GRAMD1B: variants seen among roughly 807,000 people sequenced by gnomAD.
GRAMD1B encodes the protein GRAM domain containing 1B.
Under a neutral mutation model 99.7 loss-of-function variants are expected in GRAMD1B, and 37 were observed. The ratio of observed to expected loss-of-function variants is 0.37; its 90% CI spans 0.29 to 0.49. The LOEUF is 0.49. GRAMD1B is among the 20% of genes least tolerant of loss of function. GRAMD1B has a pLI of 0.98. For missense variants in GRAMD1B, 888 were observed against 1,009.2 expected (o/e 0.88, Z 1.63); for synonymous variants, 427 against 387.6 (o/e 1.10, Z -1.19).
chr11:123,403,172 C>T (rs912785043), intron 1 of GRAMD1B, among the ~76,000 whole-genome samples: 3 of 152,032 alleles, frequency 2.0e-5, no homozygotes, highest in Middle Eastern at 3.2e-3. Flanking sequence ...CGCCTGTAAT[C>T]CCAGCACTTT....
At chr11:123,559,621 GA>G (rs559950904) in intron 2 of GRAMD1B, 380 of 857,726 alleles carry the variant, frequency 4.4e-4, no homozygotes, top group East Asian at 4.9e-4. Context: ...AATGGACAGA[GA>G]AAAAAAAAAC....
chr11:123,562,067 T>G (rs570300997), intron 2 of GRAMD1B, among the ~76,000 whole-genome samples: 8 of 152,310 alleles, frequency 5.3e-5, no homozygotes, highest in Admixed American at 3.9e-4. Flanking sequence ...GAAAAACTCC[T>G]GGCTGGGTGT....
Position 123,510,803 on chromosome 11 carries a change from G to A in GRAMD1B, c.452+29910G>A, listed in dbSNP as rs995863651. On this transcript the variant is annotated intron_variant, in intron 2 of 19. Transcript: ENST00000635736. This position sits in a 1 kb window ranked among gnomAD's most constrained non-coding sequence, Gnocchi z 4.3. Reference sequence around the variant, plus strand: ...CCTCCTCTCCCTCAGCCCGCCACTCGTGAGCATCCAGGGGCTGTGTCAGAG... The same window carrying A: ...CCTCCTCTCCCTCAGCCCGCCACTCATGAGCATCCAGGGGCTGTGTCAGAG... Among the ~76,000 whole-genome samples the A allele has an allele frequency of 1.3e-5, 2 of 152,166 alleles. No homozygotes were observed. Among genetic ancestry groups the A allele is most frequent in the Admixed American group, 1.3e-4 (2 of 15,282 alleles).
intron 2 of GRAMD1B, among the ~76,000 whole-genome samples, chr11:123,543,684 A>G (rs1351561551): frequency 6.6e-6 from 1 of 152,220 alleles, no homozygotes; most frequent in East Asian, 1.9e-4. Context: ...TGCATTCCTA[A>G]GGTAGAAGGT....
At chr11:123,365,140 A>G (rs1362329228) in intron 1 of GRAMD1B, among the ~76,000 whole-genome samples, 1 of 152,244 alleles carries the variant, frequency 6.6e-6, no homozygotes, top group Non-Finnish European at 1.5e-5. Flanking sequence ...GCCTAGAGAC[A>G]GGATGCCCCA....
intron 5 of GRAMD1B, 39 bp downstream of exon 5, chr11:123,594,205 T>G (rs1347137027): frequency 7.8e-6 from 11 of 1,402,466 alleles, no homozygotes; most frequent in Non-Finnish European, 1.1e-5. Flanking sequence ...GAAGGAAGTC[T>G]GGGGAGCCCC....
In GRAMD1B at chr11:123,431,158, T is replaced by A. The variant is rs755223631; in HGVS notation, c.366T>A (p.Ser122Arg). ...GGGTGAGGGAGCGGAAGGAGTGCAG[T>A]GAAAGCAGGTACGTCCCCGTTCCGC... is the stretch of plus-strand genomic sequence containing the variant. ...WLRVRERKEC[S>R]ESSSQQSSQQ... Residue 122 changes from serine (S) to arginine (R), a missense_variant, in exon 1 of 20, where the codon AGT becomes AGA. Ser to Arg is a moderately radical substitution (Grantham distance 110). Coordinates refer to ENST00000635736, the MANE Select transcript of GRAMD1B (RefSeq NM_001387025.1). 89 of 701,486 alleles carry A rather than the reference T, an allele frequency of 1.3e-4. 1 individual carries two copies. In the African/African-American group the frequency reaches 1.4e-3, roughly 11 times the overall value. 43.5% of individuals were successfully genotyped at this position (701,486 alleles called of 1,614,324 possible). A position where few individuals can be genotyped will look rare whatever the true frequency, so the allele number is the denominator to read the frequency against.
intron 2 of GRAMD1B, among the ~76,000 whole-genome samples, chr11:123,551,791 A>G (rs1314223983): frequency 6.6e-6 from 1 of 152,270 alleles, no homozygotes; most frequent in East Asian, 1.9e-4. Flanking sequence ...ATGGTTGCCT[A>G]TAAAGAGGAC....
At chr11:123,598,765 G>T (rs1408340190) in intron 7 of GRAMD1B, 3 of 923,986 alleles carry the variant, frequency 3.2e-6, no homozygotes, top group Non-Finnish European at 5.5e-6. Flanking sequence ...GTCTCTTTCG[G>T]CCATCCAGGA....
intron 2 of GRAMD1B, among the ~76,000 whole-genome samples, chr11:123,541,582 T>C (rs761962077): frequency 7.2e-5 from 11 of 152,108 alleles, no homozygotes; most frequent in Non-Finnish European, 1.3e-4. Context: ...GTTGACTTGT[T>C]TGTCTTTTTT....
chr11:123,532,016 C>T (rs770374881), intron 2 of GRAMD1B, among the ~76,000 whole-genome samples: 1 of 152,118 alleles, frequency 6.6e-6, no homozygotes, highest in Non-Finnish European at 1.5e-5. Context: ...GGATTACAGG[C>T]GTGAGCCACC....
chr11:123,607,562 G>C (rs1015950234), intron 11 of GRAMD1B, among the ~76,000 whole-genome samples: 1 of 152,244 alleles, frequency 6.6e-6, no homozygotes. Flanking sequence ...CTAGAGTCCA[G>C]GGTTGGCACA....
At chr11:123,616,541 A>G (rs1954416956) in intron 17 of GRAMD1B, among the ~76,000 whole-genome samples, 1 of 152,246 alleles carries the variant, frequency 6.6e-6, no homozygotes, top group African/African-American at 2.4e-5. Flanking sequence ...CAAATTGTAT[A>G]GCATGTTATT....
rs1266643157 is a variant in GRAMD1B, at chr11:123,610,370, A to G, written c.1919+32A>G. 1 of 1,609,948 alleles carries G rather than the reference A, an allele frequency of 6.2e-7. No individual in the cohort carries two copies. Among genetic ancestry groups the G allele is most frequent in the Admixed American group, 1.7e-5 (1 of 59,994 alleles). ...TGTGTGGAAGTCCCAGTGCGGTCAG[A>G]CGGGGGTCCTTACCTTAGAGAACAT... On this transcript the variant is annotated intron_variant, in intron 14 of 19. Transcript: ENST00000635736. The surrounding 1 kb of genome is among the most constrained non-coding windows in gnomAD (Gnocchi z 4.1).
intron 1 of GRAMD1B, chr11:123,435,367 T>C: frequency 1.4e-6 from 1 of 695,308 alleles, no homozygotes; most frequent in Non-Finnish European, 2.6e-6. Flanking sequence ...TTTTAATTTT[T>C]GTTTTTTCAT....
chr11:123,550,387 T>A (rs1414454324), intron 2 of GRAMD1B, among the ~76,000 whole-genome samples: 1 of 152,012 alleles, frequency 6.6e-6, no homozygotes, highest in Non-Finnish European at 1.5e-5. Context: ...ACATGCATAC[T>A]CACACTCAGA....
intron 1 of GRAMD1B, among the ~76,000 whole-genome samples, chr11:123,414,593 A>G (rs1323852716): frequency 6.6e-6 from 1 of 152,048 alleles, no homozygotes; most frequent in African/African-American, 2.4e-5. Flanking sequence ...TGTCATCCCT[A>G]TCCCCCTTGT....
At chr11:123,511,557 CTG>C (rs1941025130) in intron 2 of GRAMD1B, among the ~76,000 whole-genome samples, 2 of 152,166 alleles carry the variant, frequency 1.3e-5, no homozygotes, top group East Asian at 3.9e-4. Flanking sequence ...GAGGCTGAGT[CTG>C]TGCAGCCCCA....
intron 2 of GRAMD1B, among the ~76,000 whole-genome samples, chr11:123,516,684 A>G (rs1941701341): frequency 6.6e-6 from 1 of 152,216 alleles, no homozygotes; most frequent in African/African-American, 2.4e-5. Context: ...AAAAGTTGGT[A>G]TAATGATTAC....
Sources: gnomAD v4.1 joint callset for allele counts (sites outside exome capture counted in the v4.1 genomes callset) on GRCh38, gnomAD v4.1.1 for gene constraint, Gnocchi (gnomAD v3.1) non-coding constraint, MANE v1.5 for transcripts, NCBI Gene and HGNC (gene_info 2026-07-23, HGNC 2026-07-21) for gene names.